The following DAPK2 variants were observed in gnomAD, a reference collection of about 807,000 sequenced individuals.
DAPK2 encodes death-associated protein kinase 2.
Under a neutral mutation model 44.1 loss-of-function variants are expected in DAPK2, and 35 were observed. That is an observed-to-expected ratio of 0.79 (90% CI 0.61 to 1.05). The LOEUF (loss-of-function observed/expected upper bound fraction) is 1.05, where lower values mean the gene tolerates loss of function less well. Ranked by LOEUF, DAPK2 falls within the 50% of genes least tolerant of loss-of-function variation. The pLI, the probability that DAPK2 is intolerant of heterozygous loss-of-function variation, is 0.00. For synonymous variants in DAPK2, 174 were observed against 182.6 expected, an observed-to-expected ratio of 0.95 and a Z score of 0.38; for missense variants, 453 against 483.2, an observed-to-expected ratio of 0.94 and a Z score of 0.59.
Position 64,002,973 on chromosome 15 carries a change from CCTGTGTGTGT to C in DAPK2, c.93-19229_93-19220del, listed in dbSNP as rs1248375595. ...GTGTGTGTGTGTGTGTGTCGTGGGA[CCTGTGTGTGT>C]GTGTGTGTGTGTGTGTGTGTGTGTG... On this transcript the variant is annotated intron_variant, in intron 1 of 10. Transcript: ENST00000261891. Among the ~76,000 whole-genome samples, 46 of 75,520 alleles carry C rather than the reference CCTGTGTGTGT, an allele frequency of 6.1e-4. 1 individual carries two copies. Among genetic ancestry groups the C allele is most frequent in the Non-Finnish European group, 7.3e-4 (30 of 41,142 alleles). The allele number at this position is 75,520 out of a possible 152,430, so 49.5% of individuals were successfully genotyped here.
At chr15:64,002,974 C>CTGTGTGTG (rs58879927) in intron 1 of DAPK2, among the ~76,000 whole-genome samples, 920 of 51,558 alleles carry the variant, frequency 0.018, 71 homozygotes, top group East Asian at 0.053. Flanking sequence ...GTCGTGGGAC[C>CTGTGTGTG]TGTGTGTGTG....
intron 2 of DAPK2, 49 bp downstream of exon 3, chr15:63,983,484 C>T: frequency 1.9e-6 from 3 of 1,571,674 alleles, no homozygotes; most frequent in Non-Finnish European, 2.6e-6. Context: ...CACTGCTCTG[C>T]CTGCCCCTGC....
At chr15:63,935,121 C>T (rs1957115937) in intron 4 of DAPK2, among the ~76,000 whole-genome samples, 2 of 144,670 alleles carry the variant, frequency 1.4e-5, no homozygotes, top group Non-Finnish European at 3.0e-5. Context: ...TACACGGTCT[C>T]ACTCTGTCGT....
chr15:64,015,778 T>A (rs999344636), intron 1 of DAPK2, among the ~76,000 whole-genome samples: 4 of 152,076 alleles, frequency 2.6e-5, no homozygotes, highest in African/African-American at 9.7e-5. Flanking sequence ...TGGAGTGATG[T>A]GTCTACAAGC....
chr15:64,030,979 T>TACACACACACACACACAC (rs71131201), intron 1 of DAPK2, among the ~76,000 whole-genome samples: 12 of 140,186 alleles, frequency 8.6e-5, no homozygotes, highest in African/African-American at 2.4e-4. Flanking sequence ...AATACACACA[T>TACACACACACACACACAC]ACACACACAC....
chr15:63,958,940 TG>T (rs2077807276), intron 3 of DAPK2, among the ~76,000 whole-genome samples: 1 of 152,238 alleles, frequency 6.6e-6, no homozygotes, highest in Non-Finnish European at 1.5e-5. Context: ...TACATTACCT[TG>T]GGCATTATGG....
chr15:63,931,986 G>A (rs1393430483), intron 4 of DAPK2, among the ~76,000 whole-genome samples: 6 of 151,766 alleles, frequency 4.0e-5, no homozygotes, highest in African/African-American at 1.5e-4. Flanking sequence ...CCAACATAGC[G>A]AAATCCCATC....
upstream of DAPK2, among the ~76,000 whole-genome samples, chr15:64,040,614 G>GT (rs936559436): frequency 1.1e-4 from 17 of 151,914 alleles, no homozygotes; most frequent in South Asian, 2.1e-4. Context: ...CTGTTGTACA[G>GT]TTTTTAAAAA....
chr15:63,974,656 T>C (rs1010790993), intron 2 of DAPK2, among the ~76,000 whole-genome samples: 1 of 152,228 alleles, frequency 6.6e-6, no homozygotes, highest in African/African-American at 2.4e-5. Flanking sequence ...ACTATTCATA[T>C]TCTTAAAAGG....
In DAPK2 at chr15:63,980,387, C is replaced by T. The variant is rs1413384941; in HGVS notation, c.314+3146G>A. Among the ~76,000 whole-genome samples the T allele has an allele frequency of 2.0e-5, 3 of 152,184 alleles. No homozygotes were observed. Among genetic ancestry groups the T allele is most frequent in the Non-Finnish European group, 4.4e-5 (3 of 68,040 alleles). ...ATAGTAAGAAAGTATCAATTTATAG[C>T]TATAAAGATCAATAAATAATGAAAC... On this transcript the variant is annotated intron_variant, in intron 2 of 10. Transcript: ENST00000261891. This position sits in a 1 kb window ranked among gnomAD's most constrained non-coding sequence, Gnocchi z 4.3.
chr15:63,939,084 T>C lies in DAPK2; in HGVS notation c.583+148A>G, dbSNP rs895839039. The C allele has an allele frequency of 1.4e-6, 2 of 1,415,434 alleles. No individual in the cohort carries two copies. Among genetic ancestry groups the C allele is most frequent in the African/African-American group, 2.9e-5 (2 of 69,504 alleles). The allele number at this position is 1,415,434 out of a possible 1,614,324, so 87.7% of individuals were successfully genotyped here. On this transcript the variant is annotated intron_variant, in intron 4 of 10. Transcript: ENST00000261891. The surrounding 1 kb of genome is among the most constrained non-coding windows in gnomAD (Gnocchi z 4.3). ...CTCATCCCCAGGCCCAATAAGACAT[T>C]TCCTTCCCCACCCATTAGGTTTCTA...
At chr15:63,926,005 A>T in exon 7 of DAPK2, 1 of 1,614,234 alleles carries the variant, frequency 6.2e-7, no homozygotes, top group East Asian at 2.2e-5. Flanking sequence ...TGGCTGAAGA[A>T]TTCCTCATCA....
intron 2 of DAPK2, among the ~76,000 whole-genome samples, chr15:63,983,190 A>C (rs1208129981): frequency 6.6e-6 from 1 of 151,024 alleles, no homozygotes; most frequent in African/African-American, 2.4e-5. Context: ...CATCTGTCCC[A>C]CTCACCCTCC....
At chr15:63,931,377 C>T (rs557705562) in intron 4 of DAPK2, among the ~76,000 whole-genome samples, 4 of 152,258 alleles carry the variant, frequency 2.6e-5, no homozygotes, top group Admixed American at 2.6e-4. Flanking sequence ...GTACACCGAA[C>T]ACCTGAAAAA....
intron 1 of DAPK2, among the ~76,000 whole-genome samples, chr15:63,994,855 G>A (rs2078911791): frequency 6.6e-6 from 1 of 151,974 alleles, no homozygotes; most frequent in African/African-American, 2.4e-5. Flanking sequence ...CTCCCAAAGT[G>A]CTAGGATTAC....
At chr15:63,911,242 A>AAAAT (rs142633720) in intron 10 of DAPK2, 2 of 144,528 alleles carry the variant, frequency 1.4e-5, no homozygotes, top group African/African-American at 5.7e-5. Flanking sequence ...AAAAAAAAAA[A>AAAAT]AGAAGAAGAA....
chr15:63,914,742 A>G (rs1250995363), intron 8 of DAPK2, among the ~76,000 whole-genome samples: 1 of 152,156 alleles, frequency 6.6e-6, no homozygotes, highest in Non-Finnish European at 1.5e-5. Flanking sequence ...GTGAATCCAA[A>G]GTCTCCGGGT....
At chr15:64,043,787 G>C (rs1047712354), upstream of DAPK2, among the ~76,000 whole-genome samples, 1 of 152,210 alleles carries the variant, frequency 6.6e-6, no homozygotes, top group Non-Finnish European at 1.5e-5. Context: ...CATGGATAAC[G>C]TGAATTCCTT....
chr15:63,965,706 C>T (rs372854668), intron 3 of DAPK2, among the ~76,000 whole-genome samples: 1 of 152,166 alleles, frequency 6.6e-6, no homozygotes, highest in Admixed American at 6.5e-5. Context: ...TTTCCACAAG[C>T]GGAGGCATCT....
Sources: allele counts gnomAD v4.1 joint callset (sites outside exome capture counted in the v4.1 genomes callset), GRCh38; gene constraint gnomAD v4.1.1; non-coding constraint Gnocchi (gnomAD v3.1); transcripts MANE v1.5; gene names NCBI Gene and HGNC (gene_info 2026-07-23, HGNC 2026-07-21).